TNFSF4: variants seen among roughly 807,000 people sequenced by gnomAD.
The protein encoded by TNFSF4 is tumor necrosis factor ligand superfamily member 4.
In TNFSF4, 4 loss-of-function variants were observed where a neutral mutation model predicts 7.3. That is an observed-to-expected ratio of 0.55 (90% CI 0.27 to 1.25). TNFSF4 has a LOEUF of 1.25. Among genes scored for constraint, TNFSF4 ranks in the 50% most tolerant of loss-of-function variants. The probability of loss-of-function intolerance (pLI) is 0.12; values close to 1 mark genes in which losing one functional copy is unlikely to be tolerated. For synonymous variants in TNFSF4, 76 were observed against 83.7 expected, an observed-to-expected ratio of 0.91 and a Z score of 0.50; for missense variants, 181 against 208.8, an observed-to-expected ratio of 0.87 and a Z score of 0.82.
the TNFSF4 span, among the ~76,000 whole-genome samples, chr1:173,344,992 C>T: frequency 1.3e-5 from 2 of 152,190 alleles, no homozygotes; most frequent in African/African-American, 4.8e-5. Context: ...TGTTTCAATA[C>T]TGAATATTTA....
chr1:173,325,982 T>C, the TNFSF4 span, among the ~76,000 whole-genome samples: 7 of 152,000 alleles, frequency 4.6e-5, no homozygotes, highest in Non-Finnish European at 7.4e-5. Flanking sequence ...TTCCAATCAA[T>C]AGAAAAAGAG....
chr1:173,230,082 C>T, the TNFSF4 span, among the ~76,000 whole-genome samples: 1 of 152,148 alleles, frequency 6.6e-6, no homozygotes, highest in African/African-American at 2.4e-5. Flanking sequence ...ACCAAGAAGA[C>T]CCAATAGACA....
chr1:173,225,333 G>A, the TNFSF4 span, among the ~76,000 whole-genome samples: 1 of 152,072 alleles, frequency 6.6e-6, no homozygotes, highest in Non-Finnish European at 1.5e-5. Context: ...CATAGGTTAT[G>A]GTGGAATGGA....
At chr1:173,315,270 G>A in the TNFSF4 span, among the ~76,000 whole-genome samples, 36 of 152,176 alleles carry the variant, frequency 2.4e-4, no homozygotes, top group African/African-American at 7.9e-4. Flanking sequence ...AGAATGGATG[G>A]TAAGAGGATT....
the TNFSF4 span, among the ~76,000 whole-genome samples, chr1:173,300,739 A>G: frequency 2.6e-5 from 4 of 151,916 alleles, no homozygotes; most frequent in Admixed American, 2.6e-4. Flanking sequence ...CCAAACTATT[A>G]TAACTGCTAT....
At chr1:173,428,611 A>T in the TNFSF4 span, among the ~76,000 whole-genome samples, 1 of 152,252 alleles carries the variant, frequency 6.6e-6, no homozygotes, top group African/African-American at 2.4e-5. Context: ...TTATGATATT[A>T]ATGAATTATT....
the TNFSF4 span, among the ~76,000 whole-genome samples, chr1:173,338,500 T>C: frequency 6.6e-6 from 1 of 152,026 alleles, no homozygotes; most frequent in East Asian, 1.9e-4. Context: ...GTAGAATGAC[T>C]TTTTGAAGAC....
chr1:173,188,349 A>G, intron 2 of TNFSF4, 172 bp downstream of exon 2: 2 of 607,842 alleles, frequency 3.3e-6, no homozygotes, highest in South Asian at 4.2e-5. Flanking sequence ...CTCTTTATAC[A>G]TCTGTATCCC....
chr1:173,350,949 A>G, the TNFSF4 span, among the ~76,000 whole-genome samples: 1 of 152,216 alleles, frequency 6.6e-6, no homozygotes, highest in Admixed American at 6.5e-5. Context: ...GCCCTTGCCA[A>G]AATGACTCTC....
the TNFSF4 span, among the ~76,000 whole-genome samples, chr1:173,404,060 C>T: frequency 1.5e-4 from 23 of 152,072 alleles, no homozygotes; most frequent in Non-Finnish European, 2.6e-4. Flanking sequence ...CATTGCAGAG[C>T]GTGGAATGCA....
chr1:173,362,898 C>T, the TNFSF4 span: 1 of 480,256 alleles, frequency 2.1e-6, no homozygotes, highest in Non-Finnish European at 4.2e-6. Context: ...TGGCACATCA[C>T]CCAAGCATAA....
chr1:173,395,030 A>AGATAGAT, the TNFSF4 span, among the ~76,000 whole-genome samples: 1 of 90,974 alleles, frequency 1.1e-5, no homozygotes, highest in African/African-American at 4.1e-5. Flanking sequence ...ATAGATAGAT[A>AGATAGAT]GATAGATGAT....
intron 1 of TNFSF4, among the ~76,000 whole-genome samples, chr1:173,190,432 C>A (rs926870545): frequency 6.6e-6 from 1 of 152,206 alleles, no homozygotes; most frequent in Non-Finnish European, 1.5e-5. Context: ...AGTATAATCA[C>A]AAGCCTTACC....
In TNFSF4 at chr1:173,207,075, C is replaced by T. The variant is rs1557887859; in HGVS notation, c.102G>A (p.Leu34=). The T allele has an allele frequency of 1.9e-6, 3 of 1,613,780 alleles. No individual in the cohort carries two copies. Among genetic ancestry groups the T allele is most frequent in the Non-Finnish European group, 2.5e-6 (3 of 1,179,896 alleles). The change falls in exon 1 of 3, where the codon CTG becomes CTA. Residue 34 remains leucine (L), a synonymous_variant. Transcript: ENST00000281834. ...TGTAGGTGAAGCACAGGAGCAGCCC[C>T]AGTCCCTGAATTACAGAGGCCACCA... ...LLLVASVIQG[L]GLLLCFTYIC...
At chr1:173,388,197 A>T in the TNFSF4 span, among the ~76,000 whole-genome samples, 2 of 152,246 alleles carry the variant, frequency 1.3e-5, no homozygotes, top group Non-Finnish European at 2.9e-5. Flanking sequence ...AAAGCTGGAG[A>T]TAGTATTATT....
the TNFSF4 span, among the ~76,000 whole-genome samples, chr1:173,257,332 A>G: frequency 2.6e-5 from 4 of 152,214 alleles, no homozygotes; most frequent in African/African-American, 7.2e-5. Flanking sequence ...ATAACACTTT[A>G]TTAATAGGCT....
At chr1:173,389,612 G>A in the TNFSF4 span, among the ~76,000 whole-genome samples, 1 of 152,124 alleles carries the variant, frequency 6.6e-6, no homozygotes, top group Non-Finnish European at 1.5e-5. Context: ...AGTCACCTTA[G>A]AGAATGAAGA....
intron 1 of TNFSF4, among the ~76,000 whole-genome samples, chr1:173,193,242 A>T (rs1208637207): frequency 6.6e-6 from 1 of 152,160 alleles, no homozygotes. Context: ...CCACATACTC[A>T]AAGAAAATAG....
At chr1:173,183,693 A>G (rs1239250512), downstream of TNFSF4, 1 of 152,122 alleles carries the variant, frequency 6.6e-6, no homozygotes, top group Non-Finnish European at 1.5e-5. Flanking sequence ...GAACATGGAG[A>G]AGACAAGGAT....
Sources: allele counts gnomAD v4.1 joint callset (sites outside exome capture counted in the v4.1 genomes callset), GRCh38; gene constraint gnomAD v4.1.1; transcripts MANE v1.5; gene names NCBI Gene and HGNC (gene_info 2026-07-23, HGNC 2026-07-21).